ORMDL2: variants seen among roughly 807,000 people sequenced by gnomAD.
ORMDL2 encodes ORM1-like protein 2.
Under a neutral mutation model 13.5 loss-of-function variants are expected in ORMDL2, and 11 were observed. That is an observed-to-expected ratio of 0.82 (90% confidence interval 0.51 to 1.35). The LOEUF (loss-of-function observed/expected upper bound fraction) is 1.35. Among genes scored for constraint, ORMDL2 ranks in the 40% most tolerant of loss-of-function variants. The pLI, the probability that ORMDL2 is intolerant of heterozygous loss-of-function variation, is 0.00. For missense variants in ORMDL2, 160 were observed against 191.1 expected, an observed-to-expected ratio of 0.84 and a Z score of 0.96; for synonymous variants, 73 against 76.5, an observed-to-expected ratio of 0.95 and a Z score of 0.24.
At chr12:55,818,785 T>A (rs1015421365) in intron 1 of ORMDL2, 1 of 559,516 alleles carries the variant, frequency 1.8e-6, no homozygotes, top group Non-Finnish European at 3.2e-6. Context: ...ATCAGAGCAA[T>A]AATGACTATG....
At chr12:55,820,153 C>CA (rs1271414913) in intron 3 of ORMDL2, 107 bp from the exon 4 acceptor site, 1 of 1,001,372 alleles carries the variant, frequency 1.0e-6, no homozygotes, top group Non-Finnish European at 1.5e-6. Context: ...TATGAATAGC[C>CA]ACTGCACTCC....
In ORMDL2 at chr12:55,821,862, T is replaced by C; in HGVS notation, c.*1467T>C. On this transcript the variant is annotated 3_prime_UTR_variant, in exon 4 of 4. Transcript: ENST00000243045. Reference sequence around the variant, plus strand: ...CAGAGCAAGACTCCATCTCAAAAAATAAAAAGAAAAAGATTCAGTTCCTAG... The same window carrying C: ...CAGAGCAAGACTCCATCTCAAAAAACAAAAAGAAAAAGATTCAGTTCCTAG... The C allele has an allele frequency of 8.2e-7, 1 of 1,212,860 alleles. No individual in the cohort carries two copies. The highest frequency in any genetic ancestry group is 1.1e-6 in the Non-Finnish European group (1 of 878,936). The allele number at this position is 1,212,860 out of a possible 1,614,324, so 75.1% of individuals were successfully genotyped here. A position where few individuals can be genotyped will look rare whatever the true frequency, so the allele number is the denominator to read the frequency against.
intron 1 of ORMDL2, 26 bp from the exon 2 acceptor site, chr12:55,818,973 C>T (rs369114949): frequency 9.4e-6 from 15 of 1,603,936 alleles, no homozygotes; most frequent in African/African-American, 8.0e-5. Context: ...GAGCTGGACT[C>T]CTGCCTGATC....
At chr12:55,818,246 A>G in intron 1 of ORMDL2, 134 bp downstream of exon 1, 1 of 259,532 alleles carries the variant, frequency 3.9e-6, no homozygotes, top group Non-Finnish European at 7.7e-6. Flanking sequence ...GAACATGAGG[A>G]GGAAGCTGGG....
rs1295604448 is a variant in ORMDL2 at position 55,820,090 on chromosome 12, CAGA to C, written c.327-167_327-165del. 3.6e-5 allele frequency: 23 copies of C among 645,542 alleles called. No individual in the cohort carries two copies. The East Asian group carries it at 5.6e-4, about 16-fold the overall frequency. The allele number at this position is 645,542 out of a possible 1,614,324, so 40.0% of individuals were successfully genotyped here. A position where few individuals can be genotyped will look rare whatever the true frequency, so the allele number is the denominator to read the frequency against. ...GTCCCAGCTACTTGGGAGGCTATGG[CAGA>C]AGGATTGTTTGAGCCCAGGAGTTTG... is the stretch of plus-strand genomic sequence containing the variant. On this transcript the variant is annotated intron_variant, in intron 3 of 3. Coordinates refer to ENST00000243045, the MANE Select transcript of ORMDL2 (RefSeq NM_014182.5).
chr12:55,820,608 C>A lies in ORMDL2; in HGVS notation c.*213C>A. 1.7e-6 allele frequency: 1 copy of A among 584,664 alleles called. No individual in the cohort carries two copies. 36.2% of individuals were successfully genotyped at this position (584,664 alleles called of 1,614,324 possible). On this transcript the variant is annotated 3_prime_UTR_variant, in exon 4 of 4. Coordinates refer to ENST00000243045, the MANE Select transcript of ORMDL2 (RefSeq NM_014182.5). ...GGCAAGTTTCTTTGAATCAGGAAGG[C>A]AGGTGAGGTAAGGGCCAAATCACTC...
Position 55,820,585 on chromosome 12 carries a change from C to CA in ORMDL2, c.*192dup. ...CTCCTGGGCCCAGTCCTGCTAGTGG[C>CA]AAGTTTCTTTGAATCAGGAAGGCAG... is the stretch of plus-strand genomic sequence containing the variant. On this transcript the variant is annotated 3_prime_UTR_variant, in exon 4 of 4. Coordinates refer to ENST00000243045, the MANE Select transcript of ORMDL2 (RefSeq NM_014182.5). 1.5e-6 allele frequency: 1 copy of CA among 647,274 alleles called. No homozygotes were observed. The highest frequency in any genetic ancestry group is 2.6e-6 in the Non-Finnish European group (1 of 378,286). The allele number at this position is 647,274 out of a possible 1,614,324, so 40.1% of individuals were successfully genotyped here. A position where few individuals can be genotyped will look rare whatever the true frequency, so the allele number is the denominator to read the frequency against.
At chr12:55,818,801 G>A (rs7963379) in intron 1 of ORMDL2, 198 bp from the exon 2 acceptor site, 569,602 of 571,052 alleles carry the variant, frequency 1, 284,095 homozygotes, top group Middle Eastern at 1. Context: ...CTATGTCTCT[G>A]AAATGTAGTG....
chr12:55,820,257 C>T lies in ORMDL2; in HGVS notation c.327-3C>T, dbSNP rs1191187536. 6.2e-7 allele frequency: 1 copy of T among 1,606,168 alleles called. No homozygotes were observed. The highest frequency in any genetic ancestry group is 1.7e-5 in the Admixed American group (1 of 59,456). ...CACTCACCCTATTTTTTTCTCTCCC[C>T]AGCTATCTCCTGGCCAGCTTCTATA... On this transcript the variant is annotated splice_region_variant and splice_polypyrimidine_tract_variant and intron_variant, in intron 3 of 3. Coordinates refer to ENST00000243045, the MANE Select transcript of ORMDL2 (RefSeq NM_014182.5).
At position 55,818,109 on chromosome 12, in the gene ORMDL2, G is replaced by C. The variant is rs1173272830; in HGVS notation, c.-5G>C. On this transcript the variant is annotated 5_prime_UTR_variant, in exon 1 of 4. Coordinates refer to ENST00000243045, the MANE Select transcript of ORMDL2 (RefSeq NM_014182.5). Reference sequence around the variant, plus strand: ...CATAGCCGGACGGGGATCTGAGCTGGCAGGTAGGAGCTGCAAAGACTGTAA... The same window carrying C: ...CATAGCCGGACGGGGATCTGAGCTGCCAGGTAGGAGCTGCAAAGACTGTAA... 6.2e-6 allele frequency: 3 copies of C among 485,604 alleles called. No individual in the cohort carries two copies. The highest frequency in any genetic ancestry group is 5.8e-5 in the African/African-American group (3 of 51,328). The allele number at this position is 485,604 out of a possible 1,614,324, so 30.1% of individuals were successfully genotyped here. A position where few individuals can be genotyped will look rare whatever the true frequency, so the allele number is the denominator to read the frequency against.
rs3064698 is a variant in ORMDL2 at position 55,821,305 on chromosome 12, C to CTG, written c.*911_*912insGT. The CTG allele has an allele frequency of 0.99, 151,749 of 152,776 alleles. 75,377 individuals carry two copies. Among genetic ancestry groups the CTG allele is most frequent in the Middle Eastern group, 1 (294 of 294 alleles). The allele number at this position is 152,776 out of a possible 1,614,324, so 9.5% of individuals were successfully genotyped here. A position where few individuals can be genotyped will look rare whatever the true frequency, so the allele number is the denominator to read the frequency against. ...CATTAGGGCTACATGCTTTCTTGTT[C>CTG]TCTTTTAAATATTATATCAGGATAA... is the stretch of plus-strand genomic sequence containing the variant. On this transcript the variant is annotated 3_prime_UTR_variant, in exon 4 of 4. Coordinates refer to ENST00000243045, the MANE Select transcript of ORMDL2 (RefSeq NM_014182.5).
intron 3 of ORMDL2, 100 bp from the exon 4 acceptor site, chr12:55,820,160 C>T: frequency 2.5e-6 from 3 of 1,188,118 alleles, no homozygotes; most frequent in Non-Finnish European, 2.4e-6. Flanking sequence ...AGCCACTGCA[C>T]TCCAACCTGG....
At chr12:55,820,206 AG>A in intron 3 of ORMDL2, 53 bp from the exon 4 acceptor site, 1 of 1,509,590 alleles carries the variant, frequency 6.6e-7, no homozygotes, top group Non-Finnish European at 9.0e-7. Flanking sequence ...AAAAAAAAAA[AG>A]AATATGGATA....
In ORMDL2 at chr12:55,819,136, C is replaced by T. The variant is rs748860219; in HGVS notation, c.137C>T (p.Pro46Leu). The change falls in exon 2 of 4, where the codon CCT (proline) becomes CTT (leucine). Residue 46 changes from proline (P) to leucine (L), a missense_variant. By Grantham distance (98) the Pro-to-Leu change is moderately conservative. Transcript: ENST00000243045. ...CTCAGCATCCCCTTCTTCAGCATTC[C>T]TGTTGTCTGGACCCTGACCAACGTC... ...VLLSIPFFSI[P>L]VVWTLTNVIH... The T allele has an allele frequency of 5.6e-6, 9 of 1,614,188 alleles. No individual in the cohort carries two copies. Among genetic ancestry groups the T allele is most frequent in the Non-Finnish European group, 6.8e-6 (8 of 1,180,026 alleles).
chr12:55,818,436 C>T (rs922804270), intron 1 of ORMDL2: 2 of 222,168 alleles, frequency 9.0e-6, no homozygotes, highest in African/African-American at 4.7e-5. Context: ...AGCTCAGGTC[C>T]CTTCCTAACC....
chr12:55,819,581 C>A, intron 3 of ORMDL2, 88 bp downstream of exon 3: 1 of 1,171,262 alleles, frequency 8.5e-7, no homozygotes, highest in East Asian at 2.3e-5. Flanking sequence ...TGTTAAAAAG[C>A]AGACTTCTCA....
At chr12:55,820,098 T>G in intron 3 of ORMDL2, 162 bp from the exon 4 acceptor site, 1 of 662,978 alleles carries the variant, frequency 1.5e-6, no homozygotes, top group Non-Finnish European at 2.6e-6. Context: ...GGCAGAAGGA[T>G]TGTTTGAGCC....
chr12:55,818,494 GAAGT>G (rs1880575059), intron 1 of ORMDL2: 1 of 201,114 alleles, frequency 5.0e-6, no homozygotes, highest in African/African-American at 2.3e-5. Context: ...ACGCTTGAGA[GAAGT>G]AATGGGGATG....
chr12:55,820,133 G>C, intron 3 of ORMDL2, 127 bp from the exon 4 acceptor site: 2 of 837,208 alleles, frequency 2.4e-6, no homozygotes, highest in Non-Finnish European at 3.9e-6. Context: ...TGTACTGCAC[G>C]TATCACACTT....
Sources: gnomAD v4.1 joint callset for allele counts on GRCh38, gnomAD v4.1.1 for gene constraint, MANE v1.5 for transcripts, NCBI Gene and HGNC (gene_info 2026-07-23, HGNC 2026-07-21) for gene names.